Variants in CXCL12 observed in about 807,000 individuals in gnomAD.
CXCL12 encodes the protein C-X-C motif chemokine ligand 12, also known as stromal cell-derived factor 1.
CXCL12 carries 4 observed loss-of-function variants against 10.7 expected under a neutral mutation model. The observed-to-expected ratio is 0.37, with a 90% CI of 0.18 to 0.86. CXCL12 has a LOEUF of 0.86. CXCL12 is among the 40% of genes least tolerant of loss of function. The pLI is 0.43. For synonymous variants in CXCL12, 54 were observed against 45.4 expected, an observed-to-expected ratio of 1.19 and a Z score of -0.77; for missense variants, 122 against 110.4, an observed-to-expected ratio of 1.10 and a Z score of -0.47.
chr10:44,378,571 T>C lies in CXCL12; in HGVS notation c.*62A>G. 6.2e-7 allele frequency: 1 copy of C among 1,611,236 alleles called. No individual in the cohort carries two copies. The highest frequency in any genetic ancestry group is 8.5e-7 in the Non-Finnish European group (1 of 1,178,080). ...TCCCCCACGTCTTTGCCCTTTCATCTCTCACAAGGTTTTAGTTTTCCTCGA... is the reference window on the plus strand; with the variant it reads ...TCCCCCACGTCTTTGCCCTTTCATCCCTCACAAGGTTTTAGTTTTCCTCGA... On this transcript the variant is annotated 3_prime_UTR_variant, in exon 3 of 3. Coordinates refer to ENST00000343575, the MANE Select transcript of CXCL12 (RefSeq NM_199168.4).
chr10:44,371,764 C>T (rs1227716331), downstream of CXCL12: 2 of 152,380 alleles, frequency 1.3e-5, no homozygotes, highest in African/African-American at 2.4e-5. Context: ...TCCTTGTTTT[C>T]CACTTTCTTC....
downstream of CXCL12, chr10:44,374,759 T>C (rs1839409356): frequency 4.6e-6 from 2 of 439,476 alleles, no homozygotes; most frequent in Non-Finnish European, 9.2e-6. Flanking sequence ...CCACTTTCTC[T>C]TTCTGCATTT....
chr10:44,385,006 G>A lies in CXCL12; in HGVS notation c.-1C>T, dbSNP rs1272211740. ...GCACGACCACGACCTTGGCGTTCAT[G>A]GCGCGGGCGGGCGGGCGGGCGGGCG... On this transcript the variant is annotated 5_prime_UTR_variant, in exon 1 of 3. Coordinates refer to ENST00000343575, the MANE Select transcript of CXCL12 (RefSeq NM_199168.4). The A allele has an allele frequency of 2.1e-6, 3 of 1,461,048 alleles. No homozygotes were observed. Among genetic ancestry groups the A allele is most frequent in the Non-Finnish European group, 2.7e-6 (3 of 1,111,674 alleles). The allele number at this position is 1,461,048 out of a possible 1,614,324, so 90.5% of individuals were successfully genotyped here. A position where few individuals can be genotyped will look rare whatever the true frequency, so the allele number is the denominator to read the frequency against.
In CXCL12 at chr10:44,385,048, G is replaced by A. The variant is rs1161477489; in HGVS notation, c.-43C>T. 14 of 1,387,980 alleles carry A rather than the reference G, an allele frequency of 1.0e-5. No individual in the cohort carries two copies. The highest frequency in any genetic ancestry group is 1.3e-5 in the Non-Finnish European group (14 of 1,050,134). The allele number at this position is 1,387,980 out of a possible 1,614,324, so 86.0% of individuals were successfully genotyped here. A position where few individuals can be genotyped will look rare whatever the true frequency, so the allele number is the denominator to read the frequency against. ...GGGCGGGCGGACGAGCGCGGGTCGG[G>A]GGCCGGACGCCGAGCGGGCAATGCG... is the stretch of plus-strand genomic sequence containing the variant. On this transcript the variant is annotated 5_prime_UTR_variant, in exon 1 of 3. Transcript: ENST00000343575.
rs1180377077 is a variant in CXCL12 at position 44,377,425 on chromosome 10, A to T, written c.*1208T>A. The stretch of plus-strand genomic sequence containing the variant: ...AAAAAATGTGCACAAAAATATATAT[A>T]AAAAAATGCCTTGCAAAAAGTTACA... On this transcript the variant is annotated 3_prime_UTR_variant, in exon 3 of 3. Coordinates refer to ENST00000343575, the MANE Select transcript of CXCL12 (RefSeq NM_199168.4). 2.2e-5 allele frequency: 24 copies of T among 1,113,338 alleles called. No individual in the cohort carries two copies. The highest frequency in any genetic ancestry group is 5.5e-5 in the South Asian group (2 of 36,038). 69.0% of individuals were successfully genotyped at this position (1,113,338 alleles called of 1,614,324 possible). A position where few individuals can be genotyped will look rare whatever the true frequency, so the allele number is the denominator to read the frequency against.
rs2132041400 is a variant in CXCL12, at chr10:44,377,196, T to C, written c.*1437A>G. ...AATGTCACATTTGATACAATTTTAG[T>C]ACAAGTGAAAAAATACACTGTGGCT... is the stretch of plus-strand genomic sequence containing the variant. On this transcript the variant is annotated 3_prime_UTR_variant, in exon 3 of 3. Coordinates refer to ENST00000343575, the MANE Select transcript of CXCL12 (RefSeq NM_199168.4). 1 of 987,218 alleles carries C rather than the reference T, an allele frequency of 1.0e-6. No homozygotes were observed. Among genetic ancestry groups the C allele is most frequent in the Non-Finnish European group, 1.2e-6 (1 of 831,182 alleles). 61.2% of individuals were successfully genotyped at this position (987,218 alleles called of 1,614,324 possible). A position where few individuals can be genotyped will look rare whatever the true frequency, so the allele number is the denominator to read the frequency against.
intron 1 of CXCL12, among the ~76,000 whole-genome samples, chr10:44,384,712 T>C (rs1016807603): frequency 1.3e-5 from 2 of 152,200 alleles, no homozygotes; most frequent in East Asian, 1.9e-4. Context: ...CTGACCTCGC[T>C]CTGCAGCCAG....
downstream of CXCL12, chr10:44,374,782 A>T (rs1371085192): frequency 2.4e-6 from 1 of 422,966 alleles, no homozygotes; most frequent in East Asian, 7.1e-5. Context: ...TAAAATTATG[A>T]CCCAGGATCC....
rs549952247 is a variant in CXCL12 at position 44,378,268 on chromosome 10, C to T, written c.*365G>A. On this transcript the variant is annotated 3_prime_UTR_variant, in exon 3 of 3. Coordinates refer to ENST00000343575, the MANE Select transcript of CXCL12 (RefSeq NM_199168.4). ...AGCCAAATTCAGATCTTGAAGTACT[C>T]GTTGATTTAAAAAATGAGAATGAGA... is the stretch of plus-strand genomic sequence containing the variant. 4.8e-6 allele frequency: 7 copies of T among 1,461,064 alleles called. No homozygotes were observed. Among genetic ancestry groups the T allele is most frequent in the South Asian group, 1.1e-5 (1 of 87,378 alleles). 90.5% of individuals were successfully genotyped at this position (1,461,064 alleles called of 1,614,324 possible). A position where few individuals can be genotyped will look rare whatever the true frequency, so the allele number is the denominator to read the frequency against.
Position 44,377,341 on chromosome 10 carries a change from A to G in CXCL12, c.*1292T>C. ...ATTCATATGGCTCCACTTCAAATAT[A>G]TGAATTGTTCGACTATAAATATATT... On this transcript the variant is annotated 3_prime_UTR_variant, in exon 3 of 3. Coordinates refer to ENST00000343575, the MANE Select transcript of CXCL12 (RefSeq NM_199168.4). 1.9e-6 allele frequency: 2 copies of G among 1,049,320 alleles called. No individual in the cohort carries two copies. The highest frequency in any genetic ancestry group is 2.3e-6 in the Non-Finnish European group (2 of 868,828). 65.0% of individuals were successfully genotyped at this position (1,049,320 alleles called of 1,614,324 possible).
chr10:44,375,650 C>T (rs1839430038), downstream of CXCL12, among the ~76,000 whole-genome samples: 1 of 152,248 alleles, frequency 6.6e-6, no homozygotes, highest in South Asian at 2.1e-4. Flanking sequence ...ATTCCTGGAG[C>T]TCCCAGGCTA....
chr10:44,374,355 G>A (rs1002088562), downstream of CXCL12: 21 of 429,872 alleles, frequency 4.9e-5, no homozygotes, highest in South Asian at 9.8e-5. Flanking sequence ...CTCTCGGGGC[G>A]CTTTTGTCAA....
Position 44,385,062 on chromosome 10 carries a change from G to C in CXCL12, c.-57C>G, listed in dbSNP as rs1344736150. Reference sequence around the variant, plus strand: ...GCGCGGGTCGGGGGCCGGACGCCGAGCGGGCAATGCGGCTGACGGAGAGTG... The same window carrying C: ...GCGCGGGTCGGGGGCCGGACGCCGACCGGGCAATGCGGCTGACGGAGAGTG... On this transcript the variant is annotated 5_prime_UTR_variant, in exon 1 of 3. Coordinates refer to ENST00000343575, the MANE Select transcript of CXCL12 (RefSeq NM_199168.4). The C allele has an allele frequency of 7.0e-6, 9 of 1,283,742 alleles. No individual in the cohort carries two copies. Among genetic ancestry groups the C allele is most frequent in the Non-Finnish European group, 9.3e-6 (9 of 964,128 alleles). The allele number at this position is 1,283,742 out of a possible 1,614,324, so 79.5% of individuals were successfully genotyped here.
downstream of CXCL12, chr10:44,372,674 T>A: frequency 7.1e-7 from 1 of 1,408,196 alleles, no homozygotes; most frequent in South Asian, 1.6e-5. Flanking sequence ...TGATGATGGA[T>A]GAGACAGAGA....
downstream of CXCL12, chr10:44,377,001 G>A (rs1233204430): frequency 4.6e-6 from 3 of 655,456 alleles, no homozygotes; most frequent in Non-Finnish European, 5.7e-6. Flanking sequence ...CATGGGCTGT[G>A]AGAAGGGGTC....
At chr10:44,384,494 C>G (rs1839735699) in intron 1 of CXCL12, among the ~76,000 whole-genome samples, 1 of 152,212 alleles carries the variant, frequency 6.6e-6, no homozygotes, top group South Asian at 2.1e-4. Flanking sequence ...CTTTGCAAAG[C>G]GCGCTCTCGC....
At chr10:44,373,036 G>C (rs1839353049), downstream of CXCL12, 5 of 1,535,998 alleles carry the variant, frequency 3.3e-6, no homozygotes, top group Admixed American at 2.0e-5. Flanking sequence ...GGAGCCCTGA[G>C]TCAGAGGAGT....
rs1588906919 is a variant in CXCL12 at position 44,385,097 on chromosome 10, C to G, written c.-92G>C. ...CGGCTGACGGAGAGTGAAAGTGCGG[C>G]GGTGGGAGGCGCGCGCCGGGCGCTT... On this transcript the variant is annotated 5_prime_UTR_variant, in exon 1 of 3. Transcript: ENST00000343575. The G allele has an allele frequency of 7.3e-6, 7 of 955,976 alleles. No homozygotes were observed. Among genetic ancestry groups the G allele is most frequent in the Non-Finnish European group, 1.0e-5 (7 of 694,306 alleles). 59.2% of individuals were successfully genotyped at this position (955,976 alleles called of 1,614,324 possible).
Position 44,379,353 on chromosome 10 carries a change from T to C in CXCL12, c.180-630A>G, listed in dbSNP as rs1285200497. Among the ~76,000 whole-genome samples the C allele has an allele frequency of 2.6e-5, 4 of 152,306 alleles. No individual in the cohort carries two copies. In the East Asian group the frequency reaches 7.7e-4, roughly 29 times the overall value. ...ATTTTACAAGTTCACTGAATGTTTC[T>C]TGGTCTCATTTGTTTTTTAAAAGTT... is the stretch of plus-strand genomic sequence containing the variant. On this transcript the variant is annotated intron_variant, in intron 2 of 2. Coordinates refer to ENST00000343575, the MANE Select transcript of CXCL12 (RefSeq NM_199168.4).
Sources: allele counts gnomAD v4.1 joint callset (sites outside exome capture counted in the v4.1 genomes callset), GRCh38; gene constraint gnomAD v4.1.1; transcripts MANE v1.5; gene names NCBI Gene and HGNC (gene_info 2026-07-23, HGNC 2026-07-21).